Variants in NUP107 observed in about 807,000 individuals in gnomAD.
NUP107 encodes the protein nuclear pore complex protein Nup107.
Under a neutral mutation model 141.0 loss-of-function variants are expected in NUP107, and 101 were observed. That is an observed-to-expected ratio of 0.72 (90% CI 0.61 to 0.84). NUP107 has a LOEUF of 0.84. Among genes scored for constraint, NUP107 ranks in the 40% least tolerant of loss-of-function variants. The pLI, the probability that NUP107 is intolerant of heterozygous loss-of-function variation, is 0.00. For synonymous variants in NUP107, 319 were observed against 363.9 expected (o/e 0.88, Z 1.41); for missense variants, 941 against 1,102.7 (o/e 0.85, Z 2.08).
chr12:68,724,820 A>C (rs934665460), intron 17 of NUP107, among the ~76,000 whole-genome samples: 1 of 152,102 alleles, frequency 6.6e-6, no homozygotes, highest in African/African-American at 2.4e-5. Flanking sequence ...CACTGAAAGC[A>C]AAAAAAGTAG....
intron 8 of NUP107, 112 bp downstream of exon 8, chr12:68,702,896 G>A: frequency 1.9e-6 from 1 of 535,166 alleles, no homozygotes; most frequent in Non-Finnish European, 3.2e-6. Context: ...CAGGCTGGAG[G>A]GCAATGGCGT....
intron 20 of NUP107, among the ~76,000 whole-genome samples, chr12:68,730,001 ACT>A (rs1877747407): frequency 6.6e-6 from 1 of 151,398 alleles, no homozygotes; most frequent in Non-Finnish European, 1.5e-5. Context: ...TTGTTCTGTC[ACT>A]CAGGCTAGAG....
intron 8 of NUP107, among the ~76,000 whole-genome samples, chr12:68,704,184 G>A (rs1275672554): frequency 1.3e-5 from 2 of 152,220 alleles, no homozygotes; most frequent in Non-Finnish European, 2.9e-5. Flanking sequence ...ATTCAATGCT[G>A]TCTTCTACAG....
chr12:68,719,283 A>G, intron 12 of NUP107, 58 bp from the exon 13 acceptor site: 1 of 1,233,356 alleles, frequency 8.1e-7, no homozygotes, highest in Non-Finnish European at 1.2e-6. Context: ...TATATTGGTT[A>G]TACTTTACTA....
intron 27 of NUP107, 147 bp downstream of exon 27, chr12:68,742,127 C>CT (rs1238652240): frequency 1.5e-5 from 11 of 750,366 alleles, no homozygotes; most frequent in East Asian, 2.8e-5. Flanking sequence ...AATGTTTGTA[C>CT]TTTTTTCCCA....
Position 68,727,360 on chromosome 12 carries a change from T to G in NUP107, c.1705T>G (p.Ser569Ala). The G allele has an allele frequency of 6.6e-7, 1 of 1,510,998 alleles. No homozygotes were observed. Among genetic ancestry groups the G allele is most frequent in the Non-Finnish European group, 9.1e-7 (1 of 1,096,310 alleles). 93.6% of individuals were successfully genotyped at this position (1,510,998 alleles called of 1,614,324 possible). A position where few individuals can be genotyped will look rare whatever the true frequency, so the allele number is the denominator to read the frequency against. Reference protein sequence around the residue: ...TLGLQTKEEVSIEVLKTYIQL... With the variant: ...TLGLQTKEEVAIEVLKTYIQL... Reference sequence around the variant, plus strand: ...TTTTTTTCCTATGAAGGAGGAAGTTTCTATTGAAGTTTTAAAGACATACAT... The same window carrying G: ...TTTTTTTCCTATGAAGGAGGAAGTTGCTATTGAAGTTTTAAAGACATACAT... Residue 569 changes from serine (S) to alanine (A), a missense_variant, in exon 20 of 28, where the codon TCT (serine) becomes GCT (alanine). Coordinates refer to ENST00000229179, the MANE Select transcript of NUP107 (RefSeq NM_020401.4).
In NUP107 at chr12:68,731,126, A is replaced by C. The variant is rs1031822057; in HGVS notation, c.1751A>C (p.Lys584Thr). The stretch of plus-strand genomic sequence containing the variant: ...ATTTTTTAGCTTTTAATAAGAGAGA[A>C]ACATACAAATCTTATAGCATTTTAT... The part of the protein sequence containing the change: ...KTYIQLLIRE[K>T]HTNLIAFYTC... The change falls in exon 21 of 28, where the codon AAA becomes ACA. Residue 584 changes from lysine to threonine, a missense_variant. Transcript: ENST00000229179. 1 of 1,588,110 alleles carries C rather than the reference A, an allele frequency of 6.3e-7. No individual in the cohort carries two copies. The highest frequency in any genetic ancestry group is 1.4e-5 in the African/African-American group (1 of 73,780).
chr12:68,702,418 C>T (rs1800575366), intron 7 of NUP107, among the ~76,000 whole-genome samples: 1 of 151,958 alleles, frequency 6.6e-6, no homozygotes, highest in Non-Finnish European at 1.5e-5. Flanking sequence ...ACCCACCGTG[C>T]CCTGCCTAAC....
Position 68,731,600 on chromosome 12 carries a change from T to G in NUP107, c.1886-7T>G, listed in dbSNP as rs1361479675. The G allele has an allele frequency of 1.3e-6, 2 of 1,507,556 alleles. No individual in the cohort carries two copies. Among genetic ancestry groups the G allele is most frequent in the Non-Finnish European group, 8.9e-7 (1 of 1,123,084 alleles). 93.4% of individuals were successfully genotyped at this position (1,507,556 alleles called of 1,614,324 possible). A position where few individuals can be genotyped will look rare whatever the true frequency, so the allele number is the denominator to read the frequency against. On this transcript the variant is annotated splice_region_variant and splice_polypyrimidine_tract_variant and intron_variant, in intron 21 of 27. Transcript: ENST00000229179. ...TTTGTTTTTTGTCGCTTCAAAAAAT[T>G]ATTTAGATTTGGATGTTGCAACAAT...
intron 12 of NUP107, among the ~76,000 whole-genome samples, chr12:68,718,960 C>T (rs911448007): frequency 2.6e-5 from 4 of 152,126 alleles, no homozygotes; most frequent in Admixed American, 6.5e-5. Context: ...GCAATTTCGG[C>T]TCACTGCAAC....
intron 11 of NUP107, 111 bp downstream of exon 11, chr12:68,713,919 A>G (rs1876991099): frequency 1.4e-6 from 1 of 738,464 alleles, no homozygotes; most frequent in East Asian, 2.7e-5. Flanking sequence ...GTTTGCACAC[A>G]CTAACATTTT....
chr12:68,718,846 TTATGTATGTATGTATG>T (rs72374995), intron 12 of NUP107, among the ~76,000 whole-genome samples: 64 of 148,958 alleles, frequency 4.3e-4, no homozygotes, highest in Admixed American at 1.4e-3. Context: ...TAGAATGCCA[TTATGTATGTATGTATG>T]TATGTATGTA....
intron 17 of NUP107, among the ~76,000 whole-genome samples, chr12:68,724,521 A>G (rs1877478220): frequency 6.6e-6 from 1 of 152,196 alleles, no homozygotes; most frequent in Non-Finnish European, 1.5e-5. Flanking sequence ...TCACACCTCT[A>G]GTCCCAGCAG....
At chr12:68,724,005 G>T (rs1877457075) in intron 17 of NUP107, among the ~76,000 whole-genome samples, 1 of 152,008 alleles carries the variant, frequency 6.6e-6, no homozygotes. Context: ...GAAAATTAAG[G>T]AACAGATATA....
chr12:68,734,885 T>A (rs886993065), intron 25 of NUP107, 52 bp downstream of exon 25: 1 of 1,569,726 alleles, frequency 6.4e-7, no homozygotes. Context: ...TAAATGTGTG[T>A]TGTATATTTA....
chr12:68,726,274 T>C (rs1418724731), intron 18 of NUP107, among the ~76,000 whole-genome samples: 1 of 152,226 alleles, frequency 6.6e-6, no homozygotes, highest in African/African-American at 2.4e-5. Flanking sequence ...TGAATGCAAC[T>C]ATTTACTTTA....
intron 14 of NUP107, among the ~76,000 whole-genome samples, chr12:68,719,964 G>A (rs980625940): frequency 2.6e-5 from 4 of 152,194 alleles, no homozygotes; most frequent in Admixed American, 6.5e-5. Context: ...TAGGATTTGC[G>A]TTGTTGAGAA....
At chr12:68,700,337 AAC>A (rs1876269820) in intron 6 of NUP107, among the ~76,000 whole-genome samples, 1 of 152,214 alleles carries the variant, frequency 6.6e-6, no homozygotes, top group Non-Finnish European at 1.5e-5. Context: ...TAAATTTTCA[AAC>A]ACAATTTTAA....
rs770485153 is a variant in NUP107 at position 68,700,872 on chromosome 12, C to T, written c.680+19C>T. The T allele has an allele frequency of 9.0e-6, 14 of 1,551,882 alleles. No homozygotes were observed. Among genetic ancestry groups the T allele is most frequent in the Middle Eastern group, 1.7e-4 (1 of 5,772 alleles). On this transcript the variant is annotated intron_variant, in intron 7 of 27. Transcript: ENST00000229179. ...TGTATAGGTAATGGCGTCTAGAATTCATAAGTGAAATAAACATAAGGTAAT... is the reference window on the plus strand; with the variant it reads ...TGTATAGGTAATGGCGTCTAGAATTTATAAGTGAAATAAACATAAGGTAAT...
Sources: gnomAD v4.1 joint callset for allele counts (sites outside exome capture counted in the v4.1 genomes callset) on GRCh38, gnomAD v4.1.1 for gene constraint, MANE v1.5 for transcripts, NCBI Gene and HGNC (gene_info 2026-07-23, HGNC 2026-07-21) for gene names.